The following KHDRBS3 variants were observed in gnomAD, a reference collection of about 807,000 sequenced individuals.
KHDRBS3 encodes KH RNA binding domain containing, signal transduction associated 3.
Under a neutral mutation model 45.6 loss-of-function variants are expected in KHDRBS3, and 23 were observed. That is an observed-to-expected ratio of 0.50 (90% CI 0.36 to 0.72). The LOEUF is 0.72. KHDRBS3 is among the 30% of genes least tolerant of loss of function. The pLI, the probability that KHDRBS3 is intolerant of heterozygous loss-of-function variation, is 0.00. For missense variants in KHDRBS3, 352 were observed against 424.8 expected, an observed-to-expected ratio of 0.83 and a Z score of 1.51; for synonymous variants, 162 against 156.5, an observed-to-expected ratio of 1.04 and a Z score of -0.26.
At position 135,457,660 on chromosome 8, in the gene KHDRBS3, C is replaced by T. The variant is rs1821173467; in HGVS notation, c.-207C>T. Reference sequence around the variant, plus strand: ...GCGGGGGCCGCCGGCGCTGGGTACTCGGCGGCCACCGGGGATCGGGGCTGA... The same window carrying T: ...GCGGGGGCCGCCGGCGCTGGGTACTTGGCGGCCACCGGGGATCGGGGCTGA... On this transcript the variant is annotated 5_prime_UTR_variant, in exon 1 of 9. Coordinates refer to ENST00000355849, the MANE Select transcript of KHDRBS3 (RefSeq NM_006558.3). The surrounding 1 kb of genome is among the most constrained non-coding windows in gnomAD (Gnocchi z 4.4). 1.3e-5 allele frequency: 2 copies of T among 148,232 alleles called. No individual in the cohort carries two copies. The highest frequency in any genetic ancestry group is 3.0e-5 in the Non-Finnish European group (2 of 66,848). 9.2% of individuals were successfully genotyped at this position (148,232 alleles called of 1,614,324 possible).
intron 2 of KHDRBS3, among the ~76,000 whole-genome samples, chr8:135,527,802 GT>G (rs1395923989): frequency 1.3e-5 from 2 of 152,178 alleles, no homozygotes; most frequent in Non-Finnish European, 2.9e-5. Flanking sequence ...CAGAATCCAA[GT>G]TGGGGAATTA....
At position 135,647,245 on chromosome 8, in the gene KHDRBS3, G is replaced by C; in HGVS notation, c.*161G>C. 1 of 193,302 alleles carries C rather than the reference G, an allele frequency of 5.2e-6. No homozygotes were observed. Among genetic ancestry groups the C allele is most frequent in the Non-Finnish European group, 9.8e-6 (1 of 101,894 alleles). The allele number at this position is 193,302 out of a possible 1,614,324, so 12.0% of individuals were successfully genotyped here. The stretch of plus-strand genomic sequence containing the variant: ...CTTTGTTGAAACATCAACCTGGGCA[G>C]AAAAAAAAAAAAAAAGACATGTAAA... On this transcript the variant is annotated 3_prime_UTR_variant, in exon 9 of 9. Coordinates refer to ENST00000355849, the MANE Select transcript of KHDRBS3 (RefSeq NM_006558.3).
chr8:135,589,836 A>G (rs1828664272), intron 6 of KHDRBS3, among the ~76,000 whole-genome samples: 1 of 152,188 alleles, frequency 6.6e-6, no homozygotes, highest in South Asian at 2.1e-4. Context: ...ACGCCAACTA[A>G]TTCTGTGTCG....
intron 7 of KHDRBS3, among the ~76,000 whole-genome samples, chr8:135,609,544 C>T (rs1200017397): frequency 6.6e-6 from 1 of 152,074 alleles, no homozygotes; most frequent in Non-Finnish European, 1.5e-5. Context: ...GTGTGCCCAC[C>T]TTGGCCTCCA....
At chr8:135,551,609 G>A (rs966729269) in intron 4 of KHDRBS3, among the ~76,000 whole-genome samples, 8 of 152,090 alleles carry the variant, frequency 5.3e-5, no homozygotes, top group Admixed American at 5.2e-4. Context: ...TTCCCACTTG[G>A]TCATGGCATG....
At chr8:135,497,046 A>G (rs1414752922) in intron 1 of KHDRBS3, among the ~76,000 whole-genome samples, 2 of 152,240 alleles carry the variant, frequency 1.3e-5, no homozygotes, top group African/African-American at 4.8e-5. Flanking sequence ...GTCAGTCAGT[A>G]AAGTGAGTCC....
chr8:135,525,832 TTGA>T (rs1383183660), intron 2 of KHDRBS3, among the ~76,000 whole-genome samples: 1 of 152,176 alleles, frequency 6.6e-6, no homozygotes, highest in East Asian at 1.9e-4. Context: ...CATAGTCTAG[TTGA>T]TGATGATTAA....
intron 1 of KHDRBS3, among the ~76,000 whole-genome samples, chr8:135,476,177 T>G (rs960054337): frequency 1.3e-5 from 2 of 152,124 alleles, no homozygotes; most frequent in Admixed American, 1.3e-4. Flanking sequence ...GGAGTCTTGC[T>G]CTGTCACCTA....
intron 2 of KHDRBS3, chr8:135,540,351 T>C (rs893826736): frequency 2.6e-5 from 4 of 152,172 alleles, no homozygotes; most frequent in Admixed American, 6.5e-5. Context: ...CGCTCAGGAA[T>C]TGTAGGTAGC....
chr8:135,482,349 G>C (rs1822622323), intron 1 of KHDRBS3, among the ~76,000 whole-genome samples: 1 of 142,942 alleles, frequency 7.0e-6, no homozygotes, highest in African/African-American at 2.7e-5. Context: ...GGATTACAGA[G>C]CATTTCCCAG....
chr8:135,623,568 CT>C (rs879529143), intron 7 of KHDRBS3, among the ~76,000 whole-genome samples: 145 of 142,868 alleles, frequency 1.0e-3, no homozygotes, highest in Admixed American at 2.0e-3. Context: ...AAGTTCCTTA[CT>C]TTTTTTTTTT....
downstream of KHDRBS3, among the ~76,000 whole-genome samples, chr8:135,648,949 C>A (rs1038732061): frequency 6.6e-6 from 1 of 151,898 alleles, no homozygotes; most frequent in South Asian, 2.1e-4. Context: ...TATATAATAT[C>A]CCAATTTTAG....
intron 1 of KHDRBS3, among the ~76,000 whole-genome samples, chr8:135,478,771 A>T (rs1344208167): frequency 6.6e-6 from 1 of 152,236 alleles, no homozygotes; most frequent in Non-Finnish European, 1.5e-5. Context: ...AAATATTTTG[A>T]CATAGATGAA....
At chr8:135,471,994 G>A (rs1363050547) in intron 1 of KHDRBS3, among the ~76,000 whole-genome samples, 1 of 152,194 alleles carries the variant, frequency 6.6e-6, no homozygotes, top group Non-Finnish European at 1.5e-5. Flanking sequence ...TGGTGCCTGG[G>A]AGATAGTGGG....
At chr8:135,505,124 T>G (rs1823925183) in intron 1 of KHDRBS3, among the ~76,000 whole-genome samples, 1 of 152,186 alleles carries the variant, frequency 6.6e-6, no homozygotes, top group Non-Finnish European at 1.5e-5. Context: ...CTTAAAAAGT[T>G]TAGCTATTTG....
chr8:135,499,504 A>C (rs1341027967), intron 1 of KHDRBS3, among the ~76,000 whole-genome samples: 5 of 152,214 alleles, frequency 3.3e-5, no homozygotes, highest in African/African-American at 1.2e-4. Flanking sequence ...TTATCTACAC[A>C]AAATGCAAAT....
At chr8:135,634,698 T>C (rs951690495) in intron 7 of KHDRBS3, among the ~76,000 whole-genome samples, 2 of 152,222 alleles carry the variant, frequency 1.3e-5, no homozygotes, top group Non-Finnish European at 2.9e-5. Context: ...CATGCTAGTT[T>C]CTCTGACTTT....
intron 6 of KHDRBS3, among the ~76,000 whole-genome samples, chr8:135,584,838 C>G (rs1828386095): frequency 6.6e-6 from 1 of 152,136 alleles, no homozygotes; most frequent in Non-Finnish European, 1.5e-5. Flanking sequence ...CCATTGGTCT[C>G]AACTGTTTGA....
chr8:135,514,728 A>G (rs1824482842), intron 1 of KHDRBS3, among the ~76,000 whole-genome samples: 1 of 152,322 alleles, frequency 6.6e-6, no homozygotes. Flanking sequence ...AATAAAAGGT[A>G]TGGGCTTGAA....
Sources: allele counts gnomAD v4.1 joint callset (sites outside exome capture counted in the v4.1 genomes callset), GRCh38; gene constraint gnomAD v4.1.1; non-coding constraint Gnocchi (gnomAD v3.1); transcripts MANE v1.5; gene names NCBI Gene and HGNC (gene_info 2026-07-23, HGNC 2026-07-21).